Variants in TSPAN5 observed in about 807,000 individuals in gnomAD.
TSPAN5 encodes tetraspanin 5.
In TSPAN5, 10 loss-of-function variants were observed where a neutral mutation model predicts 37.1. That is an observed-to-expected ratio of 0.27 (90% CI 0.17 to 0.46). The LOEUF (loss-of-function observed/expected upper bound fraction) is 0.46. Ranked by LOEUF, TSPAN5 falls within the 20% of genes least tolerant of loss-of-function variation. The pLI is 1.00. For missense variants in TSPAN5, 195 were observed against 326.6 expected (o/e 0.60, Z 3.11); for synonymous variants, 110 against 118.9 (o/e 0.93, Z 0.48).
intron 4 of TSPAN5, among the ~76,000 whole-genome samples, chr4:98,479,723 T>C (rs530758394): frequency 1.8e-4 from 28 of 152,328 alleles, no homozygotes; most frequent in South Asian, 1.0e-3. Context: ...CCTGTTTCTA[T>C]GGATTGTTTG....
chr4:98,642,155 T>C (rs1756971822), intron 1 of TSPAN5, among the ~76,000 whole-genome samples: 1 of 152,224 alleles, frequency 6.6e-6, no homozygotes, highest in Non-Finnish European at 1.5e-5. Context: ...TCCAACCTTC[T>C]GTTCTTTCAT....
rs1055106013 is a variant in TSPAN5 at position 98,593,789 on chromosome 4, T to C, written c.81+64357A>G. On this transcript the variant is annotated intron_variant, in intron 1 of 7. Coordinates refer to ENST00000305798, the MANE Select transcript of TSPAN5 (RefSeq NM_005723.4). ...TTTCTGAGGGCTCTGTTCTGTTCCA[T>C]TGATCTATATCTCTGTTTTGGTACC... Among the ~76,000 whole-genome samples the C allele has an allele frequency of 9.9e-5, 3 of 30,316 alleles. 1 individual carries two copies. Among genetic ancestry groups the C allele is most frequent in the Non-Finnish European group, 1.5e-4 (3 of 19,962 alleles). The allele number at this position is 30,316 out of a possible 152,430, so 19.9% of individuals were successfully genotyped here.
chr4:98,645,871 C>CT (rs917915725), intron 1 of TSPAN5, among the ~76,000 whole-genome samples: 1 of 152,166 alleles, frequency 6.6e-6, no homozygotes, highest in African/African-American at 2.4e-5. Context: ...ATATATCATT[C>CT]TTTTTTACTA....
chr4:98,536,491 G>A (rs565663590), intron 1 of TSPAN5, among the ~76,000 whole-genome samples: 1 of 152,356 alleles, frequency 6.6e-6, no homozygotes, highest in Admixed American at 6.5e-5. Flanking sequence ...ACCCACTTGA[G>A]GAGGCAGGCT....
intron 1 of TSPAN5, among the ~76,000 whole-genome samples, chr4:98,644,307 T>C (rs1757017421): frequency 6.6e-6 from 1 of 152,180 alleles, no homozygotes; most frequent in Non-Finnish European, 1.5e-5. Context: ...GTTTGCTAAA[T>C]TCAAGGCCTC....
intron 1 of TSPAN5, among the ~76,000 whole-genome samples, chr4:98,638,213 T>C (rs1408129849): frequency 6.6e-6 from 1 of 152,130 alleles, no homozygotes; most frequent in Non-Finnish European, 1.5e-5. Flanking sequence ...CGCTCAAAAA[T>C]CAAGCACTCC....
intron 7 of TSPAN5, among the ~76,000 whole-genome samples, chr4:98,473,047 G>A (rs1348735712): frequency 6.6e-6 from 1 of 152,154 alleles, no homozygotes; most frequent in Admixed American, 6.5e-5. Flanking sequence ...TCCATGGCAT[G>A]GATATGCCCC....
intron 3 of TSPAN5, 71 bp from the exon 4 acceptor site, chr4:98,482,246 C>T (rs1287850178): frequency 2.1e-6 from 3 of 1,406,878 alleles, no homozygotes; most frequent in East Asian, 4.7e-5. Context: ...TAAATGGTTC[C>T]TCTCTAAACA....
At chr4:98,572,191 G>A (rs1755139258) in intron 1 of TSPAN5, among the ~76,000 whole-genome samples, 1 of 151,896 alleles carries the variant, frequency 6.6e-6, no homozygotes, top group African/African-American at 2.4e-5. Flanking sequence ...GGCTAGTCTC[G>A]AACTCCTGAT....
At chr4:98,540,445 C>T (rs1754333585) in intron 1 of TSPAN5, among the ~76,000 whole-genome samples, 1 of 152,072 alleles carries the variant, frequency 6.6e-6, no homozygotes, top group Admixed American at 6.5e-5. Flanking sequence ...TCAAGCTATT[C>T]TCCTGTCTCA....
chr4:98,637,457 C>T (rs1422139430), intron 1 of TSPAN5, among the ~76,000 whole-genome samples: 3 of 152,182 alleles, frequency 2.0e-5, no homozygotes, highest in Non-Finnish European at 4.4e-5. Context: ...ATAATTTTCA[C>T]ATATTATTAA....
chr4:98,522,645 T>G (rs1236119150), intron 1 of TSPAN5, among the ~76,000 whole-genome samples: 2 of 152,206 alleles, frequency 1.3e-5, no homozygotes, highest in Non-Finnish European at 2.9e-5. Flanking sequence ...CCCAATCCAT[T>G]GATTATCATG....
chr4:98,654,708 A>C (rs1022797847), intron 1 of TSPAN5, among the ~76,000 whole-genome samples: 1 of 152,234 alleles, frequency 6.6e-6, no homozygotes, highest in African/African-American at 2.4e-5. Flanking sequence ...TTATACATGA[A>C]GCTGTAATTC....
At chr4:98,628,381 A>G (rs1018435903) in intron 1 of TSPAN5, among the ~76,000 whole-genome samples, 1 of 152,216 alleles carries the variant, frequency 6.6e-6, no homozygotes, top group Non-Finnish European at 1.5e-5. Flanking sequence ...TAACATGACA[A>G]CAGGAGCATC....
intron 1 of TSPAN5, among the ~76,000 whole-genome samples, chr4:98,564,054 C>G (rs940230370): frequency 1.5e-4 from 23 of 152,170 alleles, no homozygotes; most frequent in Admixed American, 2.0e-4. Context: ...ACACAAAAAA[C>G]GTGTGATGAG....
At chr4:98,573,204 C>T (rs533489414) in intron 1 of TSPAN5, among the ~76,000 whole-genome samples, 3 of 152,272 alleles carry the variant, frequency 2.0e-5, no homozygotes, top group African/African-American at 7.2e-5. Flanking sequence ...CCAAGCAACA[C>T]TAACAATTGC....
chr4:98,586,794 C>T (rs1755498364), intron 1 of TSPAN5, among the ~76,000 whole-genome samples: 1 of 152,228 alleles, frequency 6.6e-6, no homozygotes, highest in Admixed American at 6.5e-5. Flanking sequence ...AGATAACACA[C>T]AATAGCGTGC....
At chr4:98,604,581 G>A in intron 1 of TSPAN5, among the ~76,000 whole-genome samples, 1 of 152,106 alleles carries the variant, frequency 6.6e-6, no homozygotes. Context: ...GGCAGTAGTG[G>A]GATTTATACT....
intron 1 of TSPAN5, among the ~76,000 whole-genome samples, chr4:98,593,840 A>G: frequency 2.1e-5 from 1 of 47,744 alleles, no homozygotes; most frequent in East Asian, 4.4e-4. Flanking sequence ...TGGTTACTGT[A>G]GCCTTGTAGC....
Sources: allele counts gnomAD v4.1 joint callset (sites outside exome capture counted in the v4.1 genomes callset), GRCh38; gene constraint gnomAD v4.1.1; transcripts MANE v1.5; gene names NCBI Gene and HGNC (gene_info 2026-07-23, HGNC 2026-07-21).